SGMS1: variants seen among roughly 807,000 people sequenced by gnomAD.
SGMS1 encodes phosphatidylcholine:ceramide cholinephosphotransferase 1.
Under a neutral mutation model 46.2 loss-of-function variants are expected in SGMS1, and 13 were observed. That is an observed-to-expected ratio of 0.28 (90% confidence interval 0.18 to 0.45). The LOEUF (loss-of-function observed/expected upper bound fraction) is 0.45. Among genes scored for constraint, SGMS1 ranks in the 20% least tolerant of loss-of-function variants. The pLI, the probability that SGMS1 is intolerant of heterozygous loss-of-function variation, is 1.00. For synonymous variants in SGMS1, 203 were observed against 187.8 expected (o/e 1.08, Z -0.66); for missense variants, 324 against 519.9 (o/e 0.62, Z 3.66).
chr10:50,599,141 A>G (rs548738927), intron 1 of SGMS1, among the ~76,000 whole-genome samples: 1 of 152,366 alleles, frequency 6.6e-6, no homozygotes, highest in East Asian at 1.9e-4. Context: ...TGAAACAGAC[A>G]AAAAGAATGA....
At chr10:50,329,707 T>C (rs779015634) in intron 7 of SGMS1, among the ~76,000 whole-genome samples, 1 of 152,206 alleles carries the variant, frequency 6.6e-6, no homozygotes. Flanking sequence ...GAGATATTGC[T>C]AGAAATTAAG....
chr10:50,479,729 T>A (rs1837459348), intron 3 of SGMS1, among the ~76,000 whole-genome samples: 1 of 152,148 alleles, frequency 6.6e-6, no homozygotes, highest in Non-Finnish European at 1.5e-5. Context: ...ACTGGTCTCT[T>A]TTAGCACACC....
At chr10:50,449,818 C>CATTAG (rs775203040) in intron 5 of SGMS1, among the ~76,000 whole-genome samples, 12,202 of 151,708 alleles carry the variant, frequency 0.08, 1,192 homozygotes, top group East Asian at 0.38. Flanking sequence ...ATCTTTCTCC[C>CATTAG]ACTAGACTAT....
intron 2 of SGMS1, among the ~76,000 whole-genome samples, chr10:50,584,482 G>C (rs1304169193): frequency 7.4e-6 from 1 of 134,496 alleles, no homozygotes; most frequent in Non-Finnish European, 1.5e-5. Flanking sequence ...CTGGGTGACA[G>C]TGCGAGACTC....
intron 6 of SGMS1, among the ~76,000 whole-genome samples, chr10:50,426,635 T>A (rs1198160367): frequency 6.6e-6 from 1 of 152,070 alleles, no homozygotes; most frequent in African/African-American, 2.4e-5. Flanking sequence ...ATTAACCCTG[T>A]GCCTTTTGAC....
At chr10:50,519,698 C>T (rs1480876421) in intron 3 of SGMS1, 133 bp downstream of exon 3, 1 of 152,368 alleles carries the variant, frequency 6.6e-6, no homozygotes, top group Non-Finnish European at 1.5e-5. Context: ...CCCTTGGGCA[C>T]CACAAAGGCC....
chr10:50,447,544 ATTATT>A (rs1837036707), intron 5 of SGMS1, among the ~76,000 whole-genome samples: 1 of 152,166 alleles, frequency 6.6e-6, no homozygotes, highest in African/African-American at 2.4e-5. Flanking sequence ...TAAGAAAAAA[ATTATT>A]TTATTAACTA....
At chr10:50,332,992 T>C (rs1293238083) in intron 7 of SGMS1, among the ~76,000 whole-genome samples, 3 of 152,214 alleles carry the variant, frequency 2.0e-5, no homozygotes, top group African/African-American at 7.2e-5. Context: ...TTTCTTTCTC[T>C]GGCCTCTCAC....
chr10:50,320,716 C>T (rs1418969121), intron 8 of SGMS1, among the ~76,000 whole-genome samples: 2 of 152,208 alleles, frequency 1.3e-5, no homozygotes, highest in African/African-American at 2.4e-5. Flanking sequence ...GACCTTATTC[C>T]CCAATTCCCT....
chr10:50,389,814 AAAAT>A (rs760890477), intron 6 of SGMS1, among the ~76,000 whole-genome samples: 7 of 152,190 alleles, frequency 4.6e-5, no homozygotes, highest in South Asian at 2.1e-4. Flanking sequence ...TGTTTGTACA[AAAAT>A]AAATAAATAA....
intron 1 of SGMS1, among the ~76,000 whole-genome samples, chr10:50,607,579 C>T (rs1048041713): frequency 1.3e-5 from 2 of 152,164 alleles, no homozygotes; most frequent in Non-Finnish European, 2.9e-5. Flanking sequence ...TACAGCCACA[C>T]TTTTAGAGCC....
At chr10:50,505,915 C>G (rs953594480) in intron 3 of SGMS1, among the ~76,000 whole-genome samples, 4 of 152,166 alleles carry the variant, frequency 2.6e-5, no homozygotes, top group Admixed American at 2.6e-4. Context: ...CACTCCCACC[C>G]AAACCACAAT....
In SGMS1 at chr10:50,426,486, T is replaced by G. The variant is rs78350309; in HGVS notation, c.-232+6990A>C. Among the ~76,000 whole-genome samples, 1,448 of 152,346 alleles carry G rather than the reference T, an allele frequency of 9.5e-3. 9 individuals carry two copies. The highest frequency in any genetic ancestry group is 0.037 in the Middle Eastern group (11 of 294). ...ACCCATGAAGTTACCACCCATCCTA[T>G]GAAGCAGACCTTACTGAAACATGGC... is the stretch of plus-strand genomic sequence containing the variant. On this transcript the variant is annotated intron_variant, in intron 6 of 10. Coordinates refer to ENST00000361781, the MANE Select transcript of SGMS1 (RefSeq NM_147156.4).
chr10:50,352,367 C>A (rs938565674), intron 6 of SGMS1, among the ~76,000 whole-genome samples: 2 of 152,168 alleles, frequency 1.3e-5, no homozygotes, highest in African/African-American at 4.8e-5. Context: ...AGCCTGGGCT[C>A]AGAGAAGAAC....
At chr10:50,558,612 C>T (rs3011797) in intron 2 of SGMS1, among the ~76,000 whole-genome samples, 26,392 of 152,046 alleles carry the variant, frequency 0.17, 2,975 homozygotes, top group Non-Finnish European at 0.26. Context: ...GTACAGTTGA[C>T]CCTTGCACAA....
rs11005193 is a variant in SGMS1 at position 50,323,148 on chromosome 10, G to A, written c.741+4057C>T. On this transcript the variant is annotated intron_variant, in intron 8 of 10. Transcript: ENST00000361781. ...TCATAGGATTATTATTTCTCTGAGC[G>A]ATTATATTTTGTGAAGAGTATACTG... Among the ~76,000 whole-genome samples the A allele has an allele frequency of 5.3e-5, 8 of 152,084 alleles. No homozygotes were observed. In the East Asian group the frequency reaches 1.4e-3, roughly 26 times the overall value.
intron 6 of SGMS1, among the ~76,000 whole-genome samples, chr10:50,353,506 G>A (rs1848063914): frequency 6.6e-6 from 1 of 152,300 alleles, no homozygotes; most frequent in African/African-American, 2.4e-5. Flanking sequence ...AAAACTGGAA[G>A]CATTCCCTTT....
chr10:50,366,316 G>T (rs1486617254), intron 6 of SGMS1, among the ~76,000 whole-genome samples: 1 of 152,192 alleles, frequency 6.6e-6, no homozygotes, highest in Non-Finnish European at 1.5e-5. Flanking sequence ...TGCTGGAGAG[G>T]TTGTGGAAAA....
At chr10:50,320,520 G>A (rs1218036272) in intron 8 of SGMS1, among the ~76,000 whole-genome samples, 1 of 152,084 alleles carries the variant, frequency 6.6e-6, no homozygotes, top group Non-Finnish European at 1.5e-5. Context: ...TGCTTCTAAA[G>A]ACAGATGTGA....
Sources: allele counts gnomAD v4.1 joint callset (sites outside exome capture counted in the v4.1 genomes callset), GRCh38; gene constraint gnomAD v4.1.1; transcripts MANE v1.5; gene names NCBI Gene and HGNC (gene_info 2026-07-23, HGNC 2026-07-21).